The following MAFF variants were observed in gnomAD, a reference collection of about 807,000 sequenced individuals.
MAFF encodes the protein transcription factor MafF.
MAFF carries 4 observed loss-of-function variants against 2.7 expected under a neutral mutation model. The ratio of observed to expected loss-of-function variants is 1.48; its 90% CI spans 0.73 to 3.39. MAFF has a LOEUF of 3.39. Among genes scored for constraint, MAFF ranks in the 30% most tolerant of loss-of-function variants. MAFF has a pLI of 0.01. For missense variants in MAFF, 190 were observed against 246.6 expected (o/e 0.77, Z 1.54); for synonymous variants, 113 against 119.4 (o/e 0.95, Z 0.35).
chr22:38,212,092 C>T (rs997481879), intron 1 of MAFF, among the ~76,000 whole-genome samples: 2 of 152,148 alleles, frequency 1.3e-5, no homozygotes, highest in Non-Finnish European at 2.9e-5. Context: ...CTCCACCTCC[C>T]AGGTTTAAGC....
chr22:38,208,979 G>T (rs934396747), intron 1 of MAFF, among the ~76,000 whole-genome samples: 3 of 152,056 alleles, frequency 2.0e-5, no homozygotes, highest in Non-Finnish European at 2.9e-5. Flanking sequence ...TGGACACACA[G>T]GGCCTGGGGT....
chr22:38,215,083 T>A lies in MAFF; in HGVS notation c.*205T>A. On this transcript the variant is annotated 3_prime_UTR_variant, in exon 3 of 3. Transcript: ENST00000338483. The stretch of plus-strand genomic sequence containing the variant: ...CCCTGGGAAGGGGAACTTGGGTAGG[T>A]TGGGGATGGGGCAGAGGTCTGGATC... 1.9e-6 allele frequency: 1 copy of A among 528,880 alleles called. No individual in the cohort carries two copies. Among genetic ancestry groups the A allele is most frequent in the Non-Finnish European group, 3.5e-6 (1 of 287,456 alleles). 32.8% of individuals were successfully genotyped at this position (528,880 alleles called of 1,614,324 possible).
At chr22:38,213,698 A>C in intron 1 of MAFF, 125 bp from the exon 2 acceptor site, 1 of 740,608 alleles carries the variant, frequency 1.4e-6, no homozygotes, top group Non-Finnish European at 2.4e-6. Flanking sequence ...GGAGAGAGGA[A>C]GGTGGCAGGT....
chr22:38,208,542 C>T (rs557150924), intron 1 of MAFF, among the ~76,000 whole-genome samples: 1 of 152,286 alleles, frequency 6.6e-6, no homozygotes, highest in East Asian at 1.9e-4. Context: ...AACTACGTTT[C>T]GGCTTGGAAC....
rs1278943434 is a variant in MAFF at position 38,202,118 on chromosome 22, G to A, written c.-126G>A. ...AGAGCGACCTGCGGCTCAGAGCGGAGGGGAGACTGACCGGAGCGCGGATCG... is the reference window on the plus strand; with the variant it reads ...AGAGCGACCTGCGGCTCAGAGCGGAAGGGAGACTGACCGGAGCGCGGATCG... On this transcript the variant is annotated 5_prime_UTR_variant, in exon 1 of 3. Transcript: ENST00000338483. The surrounding 1 kb of genome is among the most constrained non-coding windows in gnomAD (Gnocchi z 7.4). 1.3e-5 allele frequency: 2 copies of A among 152,316 alleles called. No individual in the cohort carries two copies. Among genetic ancestry groups the A allele is most frequent in the African/African-American group, 4.8e-5 (2 of 41,478 alleles). 9.4% of individuals were successfully genotyped at this position (152,316 alleles called of 1,614,324 possible).
At position 38,207,904 on chromosome 22, in the gene MAFF, C is replaced by T. The variant is rs1393363632; in HGVS notation, c.-32+5692C>T. Among the ~76,000 whole-genome samples the T allele has an allele frequency of 2.6e-5, 4 of 152,144 alleles. No individual in the cohort carries two copies. The South Asian group carries it at 6.2e-4, about 24-fold the overall frequency. ...CTCTGGGCATTACCTCAGGGTTGGG[C>T]GAACCAGGGAGGTGACGGTGTGAAG... On this transcript the variant is annotated intron_variant, in intron 1 of 2. Coordinates refer to ENST00000338483, the MANE Select transcript of MAFF (RefSeq NM_012323.4).
In MAFF at chr22:38,214,598, G is replaced by A; in HGVS notation, c.215G>A (p.Arg72His). 6.3e-7 allele frequency: 1 copy of A among 1,585,078 alleles called. No individual in the cohort carries two copies. Among genetic ancestry groups the A allele is most frequent in the Non-Finnish European group, 8.6e-7 (1 of 1,166,544 alleles). ...RGYAASCRVKRVCQKEELQKQ... is the reference protein window; with the variant it reads ...RGYAASCRVKHVCQKEELQKQ... ...TACGCCGCCAGCTGCCGCGTGAAGC[G>A]CGTGTGCCAGAAGGAGGAGCTGCAG... The change falls in exon 3 of 3, where the codon CGC (arginine) becomes CAC (histidine). Residue 72 changes from arginine to histidine, a missense_variant. By Grantham distance (29) the Arg-to-His change is conservative. Transcript: ENST00000338483. This position sits in a 1 kb window ranked among gnomAD's most constrained non-coding sequence, Gnocchi z 6.3.
Position 38,214,960 on chromosome 22 carries a change from A to C in MAFF, c.*82A>C, listed in dbSNP as rs1339750747. On this transcript the variant is annotated 3_prime_UTR_variant, in exon 3 of 3. Coordinates refer to ENST00000338483, the MANE Select transcript of MAFF (RefSeq NM_012323.4). The surrounding 1 kb of genome is among the most constrained non-coding windows in gnomAD (Gnocchi z 6.3). ...GTGCCTGAGCGCCGCCTCTGTGCCC[A>C]GGTCCCATTTCTCTGCAGCACTGGC... 18 of 1,056,170 alleles carry C rather than the reference A, an allele frequency of 1.7e-5. No homozygotes were observed. Among genetic ancestry groups the C allele is most frequent in the Non-Finnish European group, 2.1e-5 (15 of 713,706 alleles). 65.4% of individuals were successfully genotyped at this position (1,056,170 alleles called of 1,614,324 possible).
chr22:38,213,914 C>G (rs780478579), intron 2 of MAFF, 25 bp downstream of exon 2: 1 of 1,613,498 alleles, frequency 6.2e-7, no homozygotes, highest in Non-Finnish European at 8.5e-7. Context: ...TCTGTCAACC[C>G]AGTGAAGCCC....
chr22:38,203,160 G>T (rs1028343108), intron 1 of MAFF: 4 of 152,240 alleles, frequency 2.6e-5, no homozygotes, highest in Non-Finnish European at 5.9e-5. Flanking sequence ...ACTCTCGTTC[G>T]TCCCCAGGGT....
intron 1 of MAFF, among the ~76,000 whole-genome samples, chr22:38,212,543 C>T (rs1490082307): frequency 1.3e-5 from 2 of 152,216 alleles, no homozygotes; most frequent in Non-Finnish European, 2.9e-5. Context: ...TTACCAAGTA[C>T]ATGTTTGGCA....
intron 1 of MAFF, among the ~76,000 whole-genome samples, chr22:38,207,113 C>CTAA (rs1555888153): frequency 6.6e-6 from 1 of 151,682 alleles, no homozygotes; most frequent in Admixed American, 6.6e-5. Flanking sequence ...GGCCTGAATT[C>CTAA]TATTATTATT....
intron 2 of MAFF, 49 bp downstream of exon 2, chr22:38,213,938 A>T: frequency 6.3e-7 from 1 of 1,599,166 alleles, no homozygotes; most frequent in Non-Finnish European, 8.6e-7. Context: ...CTCCCTGCCC[A>T]TGCAGAGCCT....
Position 38,214,930 on chromosome 22 carries a change from C to A in MAFF, c.*52C>A, listed in dbSNP as rs1376287130. 2.9e-6 allele frequency: 4 copies of A among 1,379,494 alleles called. No homozygotes were observed. The East Asian group carries it at 1.1e-4, about 38-fold the overall frequency. The allele number at this position is 1,379,494 out of a possible 1,614,324, so 85.5% of individuals were successfully genotyped here. A position where few individuals can be genotyped will look rare whatever the true frequency, so the allele number is the denominator to read the frequency against. ...CGCCCCTCCGGCCTCAGCTCCCTCC[C>A]CAAAGTGCCTGAGCGCCGCCTCTGT... On this transcript the variant is annotated 3_prime_UTR_variant, in exon 3 of 3. Transcript: ENST00000338483. The surrounding 1 kb of genome is among the most constrained non-coding windows in gnomAD (Gnocchi z 6.3).
In MAFF at chr22:38,213,897, G is replaced by A. The variant is rs2146023119; in HGVS notation, c.36+8G>A. The A allele has an allele frequency of 1.9e-6, 3 of 1,614,176 alleles. No homozygotes were observed. The East Asian group carries it at 6.7e-5, about 36-fold the overall frequency. On this transcript the variant is annotated splice_region_variant and intron_variant, in intron 2 of 2. Transcript: ENST00000338483. ...TCCAGCAAAGCTCTAAAGGTGAGGA[G>A]GCAGCCTCTGTCAACCCAGTGAAGC... is the stretch of plus-strand genomic sequence containing the variant.
intron 1 of MAFF, among the ~76,000 whole-genome samples, chr22:38,211,737 G>T (rs985277112): frequency 6.6e-6 from 1 of 152,160 alleles, no homozygotes; most frequent in Admixed American, 6.5e-5. Context: ...AAGGCCCCAG[G>T]TGTGTCTGGC....
At chr22:38,213,930 C>T (rs1358512549) in intron 2 of MAFF, 41 bp downstream of exon 2, 1 of 1,609,886 alleles carries the variant, frequency 6.2e-7, no homozygotes, top group Non-Finnish European at 8.5e-7. Context: ...AGCCCTCCCT[C>T]CCTGCCCATG....
At chr22:38,212,220 T>C (rs2064103) in intron 1 of MAFF, among the ~76,000 whole-genome samples, 87,700 of 152,116 alleles carry the variant, frequency 0.58, 25,738 homozygotes, top group African/African-American at 0.66. Flanking sequence ...AGGCTGGTCT[T>C]GAACTCCTGA....
chr22:38,212,009 T>C (rs1268968647), intron 1 of MAFF, among the ~76,000 whole-genome samples: 1 of 152,186 alleles, frequency 6.6e-6, no homozygotes. Context: ...TTATTTTTTT[T>C]GAGATGGAGT....
Sources: gnomAD v4.1 joint callset for allele counts (sites outside exome capture counted in the v4.1 genomes callset) on GRCh38, gnomAD v4.1.1 for gene constraint, Gnocchi (gnomAD v3.1) non-coding constraint, MANE v1.5 for transcripts, NCBI Gene and HGNC (gene_info 2026-07-23, HGNC 2026-07-21) for gene names.